The following GLS variants were observed in gnomAD, a reference collection of about 807,000 sequenced individuals.
The protein encoded by GLS is glutaminase, also known as glutaminase kidney isoform, mitochondrial.
In GLS, 36 loss-of-function variants were observed where a neutral mutation model predicts 86.7. The observed-to-expected ratio is 0.42, with a 90% CI of 0.32 to 0.55. The LOEUF (loss-of-function observed/expected upper bound fraction) is 0.55. GLS is among the 20% of genes least tolerant of loss of function. GLS has a pLI of 0.17. For missense variants in GLS, 528 were observed against 833.4 expected (o/e 0.63, Z 4.51); for synonymous variants, 317 against 305.9 (o/e 1.04, Z -0.38).
chr2:190,922,942 ATAT>A (rs1368063346), intron 9 of GLS, among the ~76,000 whole-genome samples: 1 of 152,134 alleles, frequency 6.6e-6, no homozygotes, highest in Non-Finnish European at 1.5e-5. Context: ...GTATCAGTTA[ATAT>A]TATTATCCTC....
chr2:190,948,532 T>C (rs1406619782), intron 14 of GLS, among the ~76,000 whole-genome samples: 1 of 152,220 alleles, frequency 6.6e-6, no homozygotes, highest in African/African-American at 2.4e-5. Flanking sequence ...TTCAAAATTT[T>C]AAAGGGGAAT....
rs1200076589 is a variant in GLS at position 190,924,841 on chromosome 2, G to T, written c.1248+248G>T. On this transcript the variant is annotated intron_variant, in intron 11 of 17. Coordinates refer to ENST00000320717, the MANE Select transcript of GLS (RefSeq NM_014905.5). The surrounding 1 kb of genome is among the most constrained non-coding windows in gnomAD (Gnocchi z 5.2). ...GAGGCAGGAGAATCCCTTGAACCTG[G>T]AAGGCCGAGGTTGCAGTGAGCCGAG... 2 of 362,350 alleles carry T rather than the reference G, an allele frequency of 5.5e-6. No homozygotes were observed. Among genetic ancestry groups the T allele is most frequent in the African/African-American group, 4.2e-5 (2 of 47,764 alleles). 22.4% of individuals were successfully genotyped at this position (362,350 alleles called of 1,614,324 possible). A position where few individuals can be genotyped will look rare whatever the true frequency, so the allele number is the denominator to read the frequency against.
chr2:190,953,627 G>A lies in GLS; in HGVS notation c.1712+1G>A. The A allele has an allele frequency of 1.3e-6, 2 of 1,591,982 alleles. No homozygotes were observed. The highest frequency in any genetic ancestry group is 1.7e-6 in the Non-Finnish European group (2 of 1,160,018). On this transcript the variant is annotated splice_donor_variant, in intron 15 of 17. Coordinates refer to ENST00000320717, the MANE Select transcript of GLS (RefSeq NM_014905.5). LOFTEE classifies it high-confidence loss of function. The surrounding 1 kb of genome is among the most constrained non-coding windows in gnomAD (Gnocchi z 4.0). The stretch of plus-strand genomic sequence containing the variant: ...CTGGAGATGTGTCTGCACTTCGAAG[G>A]TATGTTTACAGGATGGATTAGCATG...
chr2:190,896,038 C>T (rs1396987390), intron 3 of GLS: 6 of 168,610 alleles, frequency 3.6e-5, no homozygotes, highest in Non-Finnish European at 6.4e-5. Flanking sequence ...ATCCCCAATT[C>T]ATCTGCATGA....
At position 190,895,117 on chromosome 2, in the gene GLS, C is replaced by A. The variant is rs761216066; in HGVS notation, c.387-35C>A. On this transcript the variant is annotated intron_variant, in intron 1 of 17. Transcript: ENST00000320717. The surrounding 1 kb of genome is among the most constrained non-coding windows in gnomAD (Gnocchi z 4.2). ...TTAAAAATCCAGTAGAATGTTCATA[C>A]AAGGATTAATTTTGTGTTCTTTCTA... The A allele has an allele frequency of 3.4e-6, 3 of 874,900 alleles. No individual in the cohort carries two copies. The South Asian group carries it at 4.4e-5, about 13-fold the overall frequency. 54.2% of individuals were successfully genotyped at this position (874,900 alleles called of 1,614,324 possible).
chr2:190,954,863 G>A lies in GLS; in HGVS notation c.1853+45G>A, dbSNP rs1690820583. Reference sequence around the variant, plus strand: ...TCTAAATATGTCAGTATTTTATTATGCAGGACTGTAATATTCAAGTGATGA... The same window carrying A: ...TCTAAATATGTCAGTATTTTATTATACAGGACTGTAATATTCAAGTGATGA... On this transcript the variant is annotated intron_variant, in intron 17 of 17. Transcript: ENST00000320717. This position sits in a 1 kb window ranked among gnomAD's most constrained non-coding sequence, Gnocchi z 4.0. The A allele has an allele frequency of 8.1e-7, 1 of 1,233,814 alleles. No individual in the cohort carries two copies. The highest frequency in any genetic ancestry group is 2.3e-5 in the East Asian group (1 of 43,120). 76.4% of individuals were successfully genotyped at this position (1,233,814 alleles called of 1,614,324 possible). A position where few individuals can be genotyped will look rare whatever the true frequency, so the allele number is the denominator to read the frequency against.
chr2:190,912,676 T>G (rs1689403205), intron 7 of GLS, among the ~76,000 whole-genome samples: 1 of 152,160 alleles, frequency 6.6e-6, no homozygotes, highest in Admixed American at 6.5e-5. Context: ...GGACTTGAAC[T>G]AAATCTCCTG....
At chr2:190,915,419 C>T (rs930899780) in intron 7 of GLS, among the ~76,000 whole-genome samples, 5 of 152,014 alleles carry the variant, frequency 3.3e-5, no homozygotes, top group Non-Finnish European at 5.9e-5. Flanking sequence ...TATATTTCTT[C>T]CAATTTGGTT....
chr2:190,919,731 A>T (rs1380890460), intron 7 of GLS: 1 of 599,908 alleles, frequency 1.7e-6, no homozygotes, highest in Non-Finnish European at 2.1e-6. Flanking sequence ...TTACATTTCT[A>T]CATTTTGATT....
At chr2:190,960,381 T>TTTTTTTA (rs1393145448) in intron 17 of GLS, among the ~76,000 whole-genome samples, 1 of 146,048 alleles carries the variant, frequency 6.8e-6, no homozygotes, top group African/African-American at 2.6e-5. Context: ...TTTTTTTTTT[T>TTTTTTTA]GAGACTGGGT....
rs773155639 is a variant in GLS, at chr2:190,954,726, G to C, written c.1790-29G>C. 1 of 1,613,224 alleles carries C rather than the reference G, an allele frequency of 6.2e-7. No homozygotes were observed. The highest frequency in any genetic ancestry group is 1.3e-5 in the African/African-American group (1 of 74,876). Reference sequence around the variant, plus strand: ...TAATTTCTACTTAGTACTAAAATCTGCTCTTTTTTTGGGGGTGGGACGGTA... The same window carrying C: ...TAATTTCTACTTAGTACTAAAATCTCCTCTTTTTTTGGGGGTGGGACGGTA... On this transcript the variant is annotated intron_variant, in intron 16 of 17. Coordinates refer to ENST00000320717, the MANE Select transcript of GLS (RefSeq NM_014905.5). This position sits in a 1 kb window ranked among gnomAD's most constrained non-coding sequence, Gnocchi z 4.0.
At chr2:190,961,969 T>TAG (rs1264149217) in intron 17 of GLS, among the ~76,000 whole-genome samples, 2 of 152,126 alleles carry the variant, frequency 1.3e-5, no homozygotes, top group South Asian at 2.1e-4. Flanking sequence ...GTAATGTAAG[T>TAG]AGAGAGAGAG....
At chr2:190,931,673 T>A (rs758319074) in intron 14 of GLS, 36 bp downstream of exon 14, 1 of 994,212 alleles carries the variant, frequency 1.0e-6, no homozygotes, top group African/African-American at 1.7e-5. Flanking sequence ...GTATATAAAA[T>A]TTTTAAGAAG....
intron 3 of GLS, among the ~76,000 whole-genome samples, chr2:190,898,315 T>G (rs1688819332): frequency 6.6e-6 from 1 of 152,194 alleles, no homozygotes; most frequent in South Asian, 2.1e-4. Context: ...TATTCCCGGC[T>G]TACAGATAAG....
rs1042116483 is a variant in GLS, at chr2:190,955,801, T to G, written c.1853+983T>G. On this transcript the variant is annotated intron_variant, in intron 17 of 17. Transcript: ENST00000320717. The surrounding 1 kb of genome is among the most constrained non-coding windows in gnomAD (Gnocchi z 5.6). ...CCTCTCCAGCATCTATTGTTTCCTT[T>G]TTAGTGATCGCCATTCTAACTGGTG... Among the ~76,000 whole-genome samples the G allele has an allele frequency of 6.6e-6, 1 of 151,780 alleles. No homozygotes were observed. The highest frequency in any genetic ancestry group is 2.4e-5 in the African/African-American group (1 of 41,408).
intron 11 of GLS, among the ~76,000 whole-genome samples, chr2:190,926,532 C>T (rs575862306): frequency 3.6e-4 from 55 of 152,076 alleles, no homozygotes; most frequent in African/African-American, 1.3e-3. Flanking sequence ...CCGTCTCATC[C>T]CAATTTTGCT....
At position 190,931,555 on chromosome 2, in the gene GLS, C is replaced by T; in HGVS notation, c.1568C>T (p.Ser523Phe). The T allele has an allele frequency of 6.6e-7, 1 of 1,521,546 alleles. No homozygotes were observed. The highest frequency in any genetic ancestry group is 9.1e-7 in the Non-Finnish European group (1 of 1,100,504). 94.3% of individuals were successfully genotyped at this position (1,521,546 alleles called of 1,614,324 possible). ...KGIHFCHDLVSLCNFHNYDNL... is the reference protein window; with the variant it reads ...KGIHFCHDLVFLCNFHNYDNL... The stretch of plus-strand genomic sequence containing the variant: ...TATAACTGTTTACAGGATCTTGTTT[C>T]TCTGTGTAATTTCCATAACTATGAT... The change falls in exon 14 of 18, where the codon TCT becomes TTT. Residue 523 changes from serine (S) to phenylalanine (F), a missense_variant. Transcript: ENST00000320717.
At chr2:190,923,808 A>ATC (rs1465831963) in intron 9 of GLS, 109 bp from the exon 10 acceptor site, 4 of 722,792 alleles carry the variant, frequency 5.5e-6, no homozygotes, top group Non-Finnish European at 9.7e-6. Context: ...GTAGTCCTGA[A>ATC]TCTTAGTTCA....
Position 190,905,014 on chromosome 2 carries a change from G to A in GLS, c.826G>A (p.Gly276Arg), listed in dbSNP as rs537507349. Residue 276 changes from glycine (G) to arginine (R), a missense_variant, in exon 6 of 18, where the codon GGA becomes AGA. This residue lies in a region of GLS where 111 missense variants were observed against 179.5 expected (regional missense o/e 0.62). Transcript: ENST00000320717. This position sits in a 1 kb window ranked among gnomAD's most constrained non-coding sequence, Gnocchi z 4.6. ...CTVDGQRHST[G>R]DTKVPFCLQS... ...TCTCCTTTTAAATAGGCATTCTACT[G>A]GAGATACCAAAGTTCCCTTCTGTCT... is the stretch of plus-strand genomic sequence containing the variant. 6.3e-7 allele frequency: 1 copy of A among 1,582,944 alleles called. No homozygotes were observed. The highest frequency in any genetic ancestry group is 2.2e-5 in the East Asian group (1 of 44,672).
Sources: gnomAD v4.1 joint callset for allele counts (sites outside exome capture counted in the v4.1 genomes callset) on GRCh38, gnomAD v4.1.1 for gene constraint, gnomAD v4.1.1 regional missense constraint, Gnocchi (gnomAD v3.1) non-coding constraint, MANE v1.5 for transcripts, NCBI Gene and HGNC (gene_info 2026-07-23, HGNC 2026-07-21) for gene names.